The following DNM3 variants were observed in gnomAD, a reference collection of about 807,000 sequenced individuals.
DNM3 encodes the protein dynamin 3.
A neutral mutation model predicts 101.6 loss-of-function variants in DNM3; 47 were observed. The observed-to-expected ratio is 0.46, with a 90% CI of 0.37 to 0.59. The LOEUF is 0.59. Among genes scored for constraint, DNM3 ranks in the 20% least tolerant of loss-of-function variants. The pLI, the probability that DNM3 is intolerant of heterozygous loss-of-function variation, is 0.00. For missense variants in DNM3, 849 were observed against 1,085.7 expected (o/e 0.78, Z 3.06); for synonymous variants, 385 against 387.9 (o/e 0.99, Z 0.09).
At chr1:172,289,568 A>G (rs1302239967) in intron 15 of DNM3, 2 of 951,180 alleles carry the variant, frequency 2.1e-6, no homozygotes, top group Admixed American at 6.2e-5. Context: ...GGTTCTCCAC[A>G]TTAATTCTTG....
intron 1 of DNM3, among the ~76,000 whole-genome samples, chr1:171,917,668 T>C (rs1455535987): frequency 6.6e-6 from 1 of 152,180 alleles, no homozygotes; most frequent in Non-Finnish European, 1.5e-5. Flanking sequence ...ATTTGGGCAA[T>C]ATAACAGAAT....
chr1:171,862,496 G>A (rs1455183504), intron 1 of DNM3, among the ~76,000 whole-genome samples: 5 of 152,080 alleles, frequency 3.3e-5, no homozygotes, highest in African/African-American at 4.8e-5. Context: ...CAACGCAAAA[G>A]GCCAATAGTA....
chr1:172,356,183 G>GA (rs1425062605), intron 17 of DNM3, among the ~76,000 whole-genome samples: 2 of 151,872 alleles, frequency 1.3e-5, no homozygotes, highest in Non-Finnish European at 2.9e-5. Flanking sequence ...GGAACGAAAC[G>GA]AAAAAATGTA....
At chr1:171,885,541 C>A (rs192568419) in intron 1 of DNM3, among the ~76,000 whole-genome samples, 1 of 152,198 alleles carries the variant, frequency 6.6e-6, no homozygotes, top group Admixed American at 6.5e-5. Context: ...CATCCTTAAA[C>A]CTATGTGATG....
intron 15 of DNM3, among the ~76,000 whole-genome samples, chr1:172,292,653 T>A (rs2063977648): frequency 6.6e-6 from 1 of 151,978 alleles, no homozygotes; most frequent in African/African-American, 2.4e-5. Context: ...TACACGCAAC[T>A]ATTAAGTTGG....
intron 15 of DNM3, chr1:172,289,733 GT>G (rs1338792293): frequency 2.0e-6 from 2 of 984,706 alleles, no homozygotes; most frequent in African/African-American, 1.7e-5. Flanking sequence ...CATGTTCTAA[GT>G]TTCAATACTG....
At position 171,846,171 on chromosome 1, in the gene DNM3, A is replaced by G. The variant is rs570552521; in HGVS notation, c.161+4354A>G. ...TCTTCATGCAACAATGAATTGGTAG[A>G]ACTTGAAATCACAAAAATATTTTTG... On this transcript the variant is annotated intron_variant, in intron 1 of 20. Coordinates refer to ENST00000627582, the MANE Select transcript of DNM3 (RefSeq NM_015569.5). 2.0e-5 allele frequency among the ~76,000 whole-genome samples: 3 copies of G among 152,306 alleles called. No individual in the cohort carries two copies. The East Asian group carries it at 5.8e-4, about 29-fold the overall frequency.
In DNM3 at chr1:172,354,112, T is replaced by TGAGAGAGAGAGAGAGAGAGA. The variant is rs71563205; in HGVS notation, c.1894-24895_1894-24876dup. 8.6e-3 allele frequency among the ~76,000 whole-genome samples: 814 copies of TGAGAGAGAGAGAGAGAGAGA among 94,920 alleles called. 16 individuals carry two copies. Among genetic ancestry groups the TGAGAGAGAGAGAGAGAGAGA allele is most frequent in the East Asian group, 0.024 (78 of 3,196 alleles). The allele number at this position is 94,920 out of a possible 152,430, so 62.3% of individuals were successfully genotyped here. A position where few individuals can be genotyped will look rare whatever the true frequency, so the allele number is the denominator to read the frequency against. ...GGGTGTGTGTGTGTGTGTGTGTGTGTGAGAGAGAGAGAGAGAGAGAGAGAG... is the reference window on the plus strand; with the variant it reads ...GGGTGTGTGTGTGTGTGTGTGTGTGTGAGAGAGAGAGAGAGAGAGAGAGAGAGAGAGAGAGAGAGAGAGAG... On this transcript the variant is annotated intron_variant, in intron 17 of 20. Transcript: ENST00000627582.
intron 1 of DNM3, among the ~76,000 whole-genome samples, chr1:171,893,653 TTA>T (rs1220947589): frequency 2.0e-5 from 3 of 152,052 alleles, no homozygotes; most frequent in African/African-American, 7.2e-5. Flanking sequence ...TGAGGTCTCA[TTA>T]TATCACCCAG....
rs150711884 is a variant in DNM3, at chr1:171,920,337, C to T, written c.162-1411C>T. Among the ~76,000 whole-genome samples, 42 of 152,308 alleles carry T rather than the reference C, an allele frequency of 2.8e-4. No individual in the cohort carries two copies. In the East Asian group the frequency reaches 6.2e-3, roughly 22 times the overall value. ...CAAATTTCCTACAAAACTCATAGCACGCCACATGCCATTATTGCCCACTGA... is the reference window on the plus strand; with the variant it reads ...CAAATTTCCTACAAAACTCATAGCATGCCACATGCCATTATTGCCCACTGA... On this transcript the variant is annotated intron_variant, in intron 1 of 20. Coordinates refer to ENST00000627582, the MANE Select transcript of DNM3 (RefSeq NM_015569.5).
chr1:171,865,457 G>A (rs1340257878), intron 1 of DNM3, among the ~76,000 whole-genome samples: 2 of 149,924 alleles, frequency 1.3e-5, no homozygotes, highest in Admixed American at 6.7e-5. Context: ...TCGAGGCTGC[G>A]GTGAGCCATG....
chr1:171,877,260 G>A (rs993045921), intron 1 of DNM3, among the ~76,000 whole-genome samples: 2 of 152,168 alleles, frequency 1.3e-5, no homozygotes, highest in African/African-American at 4.8e-5. Flanking sequence ...CTGTTGGTAA[G>A]TTAAAGAATA....
intron 2 of DNM3, among the ~76,000 whole-genome samples, chr1:171,986,548 A>T (rs374486702): frequency 1.1e-4 from 16 of 152,144 alleles, no homozygotes; most frequent in East Asian, 7.7e-4. Context: ...CTTGCTATTG[A>T]CCTTGCCATT....
intron 14 of DNM3, among the ~76,000 whole-genome samples, chr1:172,207,918 G>A (rs1305526985): frequency 6.6e-6 from 1 of 151,912 alleles, no homozygotes; most frequent in Admixed American, 6.6e-5. Context: ...AGAATACAAA[G>A]AAAGTGTGTA....
intron 14 of DNM3, among the ~76,000 whole-genome samples, chr1:172,238,752 G>A (rs1007465917): frequency 5.9e-5 from 9 of 151,828 alleles, no homozygotes; most frequent in Non-Finnish European, 4.4e-5. Context: ...AGCAGCAATA[G>A]CAGCTGACCC....
intron 17 of DNM3, among the ~76,000 whole-genome samples, chr1:172,348,931 G>A (rs575092092): frequency 1.8e-4 from 28 of 152,294 alleles, no homozygotes; most frequent in Non-Finnish European, 3.4e-4. Context: ...GGTGCAGCCA[G>A]TCCCACCTGA....
intron 4 of DNM3, among the ~76,000 whole-genome samples, chr1:172,026,031 A>C (rs2125772525): frequency 6.6e-6 from 1 of 152,256 alleles, no homozygotes; most frequent in South Asian, 2.1e-4. Context: ...GGATGGTTTA[A>C]CCCAATACAA....
chr1:172,151,826 G>A (rs2058139495), intron 14 of DNM3, among the ~76,000 whole-genome samples: 1 of 152,006 alleles, frequency 6.6e-6, no homozygotes, highest in African/African-American at 2.4e-5. Flanking sequence ...TTGTTTGTTT[G>A]TTTTTAAGTT....
intron 15 of DNM3, among the ~76,000 whole-genome samples, chr1:172,292,073 G>T (rs1325394877): frequency 2.6e-5 from 4 of 152,058 alleles, no homozygotes; most frequent in Admixed American, 2.0e-4. Flanking sequence ...TTTTATAGGA[G>T]GTCACGTGCA....
Sources: allele counts gnomAD v4.1 joint callset (sites outside exome capture counted in the v4.1 genomes callset), GRCh38; gene constraint gnomAD v4.1.1; transcripts MANE v1.5; gene names NCBI Gene and HGNC (gene_info 2026-07-23, HGNC 2026-07-21).